PSMD1: variants seen among roughly 807,000 people sequenced by gnomAD.
The protein encoded by PSMD1 is 26S proteasome non-ATPase regulatory subunit 1.
PSMD1 carries 18 observed loss-of-function variants against 119.0 expected under a neutral mutation model. The observed-to-expected ratio is 0.15, with a 90% CI of 0.10 to 0.22. The LOEUF (loss-of-function observed/expected upper bound fraction) is 0.22. Ranked by LOEUF, PSMD1 falls within the 10% of genes least tolerant of loss-of-function variation. The pLI is 1.00. For synonymous variants in PSMD1, 374 were observed against 396.6 expected (o/e 0.94, Z 0.68); for missense variants, 702 against 1,158.5 (o/e 0.61, Z 5.72).
intron 22 of PSMD1, 99 bp downstream of exon 22, chr2:231,165,385 T>G: frequency 7.6e-7 from 1 of 1,317,652 alleles, no homozygotes; most frequent in Non-Finnish European, 9.9e-7. Flanking sequence ...TGCTCTTGGC[T>G]TCCTTCAAAC....
chr2:231,124,208 C>T (rs1344990498), intron 16 of PSMD1: 2 of 174,292 alleles, frequency 1.1e-5, no homozygotes, highest in East Asian at 1.5e-4. Context: ...CATAGCCCTT[C>T]CCTTCTTAGT....
chr2:231,151,417 C>T (rs1281521530), intron 18 of PSMD1, among the ~76,000 whole-genome samples: 2 of 151,692 alleles, frequency 1.3e-5, no homozygotes, highest in Non-Finnish European at 2.9e-5. Context: ...CCAAGAATTA[C>T]AATAATGAAA....
intron 16 of PSMD1, among the ~76,000 whole-genome samples, chr2:231,118,322 GT>G (rs939482441): frequency 2.0e-5 from 3 of 152,240 alleles, no homozygotes; most frequent in African/African-American, 7.2e-5. Flanking sequence ...CAAATCATCA[GT>G]ATGAAATAAG....
chr2:231,087,241 C>A, intron 16 of PSMD1, 60 bp downstream of exon 16: 1 of 1,415,822 alleles, frequency 7.1e-7, no homozygotes, highest in South Asian at 1.2e-5. Context: ...ATGTAGTAGT[C>A]ACTACCGAAA....
chr2:231,170,784 C>A lies in PSMD1; in HGVS notation c.*9+63C>A. 6.8e-7 allele frequency: 1 copy of A among 1,461,870 alleles called. No homozygotes were observed. The highest frequency in any genetic ancestry group is 9.2e-7 in the Non-Finnish European group (1 of 1,088,234). The allele number at this position is 1,461,870 out of a possible 1,614,324, so 90.6% of individuals were successfully genotyped here. On this transcript the variant is annotated intron_variant, in intron 24 of 24. Coordinates refer to ENST00000308696, the MANE Select transcript of PSMD1 (RefSeq NM_002807.4). This position sits in a 1 kb window ranked among gnomAD's most constrained non-coding sequence, Gnocchi z 4.1. ...GTCAATACTTCACAAATGTTTTTTG[C>A]AAGGACATCATCTCACGTTTTTCCT...
chr2:231,059,723 T>G (rs1693708938), intron 1 of PSMD1, among the ~76,000 whole-genome samples: 1 of 152,244 alleles, frequency 6.6e-6, no homozygotes, highest in Admixed American at 6.5e-5. Flanking sequence ...TCCAAATATT[T>G]CTGTCAATTG....
intron 20 of PSMD1, among the ~76,000 whole-genome samples, chr2:231,162,690 G>A (rs1696668803): frequency 6.6e-6 from 1 of 151,988 alleles, no homozygotes; most frequent in African/African-American, 2.4e-5. Flanking sequence ...GGCCGGGTGT[G>A]GTTGTGCACA....
At chr2:231,142,555 C>T (rs1696149821) in intron 17 of PSMD1, among the ~76,000 whole-genome samples, 1 of 152,024 alleles carries the variant, frequency 6.6e-6, no homozygotes, top group Non-Finnish European at 1.5e-5. Flanking sequence ...TTTTATTACT[C>T]ATACTAAACA....
chr2:231,148,719 A>G lies in PSMD1; in HGVS notation c.2115+2363A>G, dbSNP rs1012543822. Among the ~76,000 whole-genome samples the G allele has an allele frequency of 2.6e-5, 4 of 152,228 alleles. No individual in the cohort carries two copies. In the East Asian group the frequency reaches 7.7e-4, roughly 29 times the overall value. On this transcript the variant is annotated intron_variant, in intron 18 of 24. Coordinates refer to ENST00000308696, the MANE Select transcript of PSMD1 (RefSeq NM_002807.4). Reference sequence around the variant, plus strand: ...GAGCAAAGTTGTTACTCAGCTTAAGAATTCTTAAAGTTAATTTCATTGTTT... The same window carrying G: ...GAGCAAAGTTGTTACTCAGCTTAAGGATTCTTAAAGTTAATTTCATTGTTT...
At chr2:231,078,495 G>A (rs574226727) in intron 9 of PSMD1, among the ~76,000 whole-genome samples, 164 bp from the exon 10 acceptor site, 2 of 152,250 alleles carry the variant, frequency 1.3e-5, no homozygotes, top group East Asian at 3.9e-4. Flanking sequence ...GTATAAACTA[G>A]CTATTTAGTC....
intron 21 of PSMD1, among the ~76,000 whole-genome samples, chr2:231,164,468 A>C (rs1359026137): frequency 1.3e-5 from 2 of 151,950 alleles, no homozygotes; most frequent in African/African-American, 4.9e-5. Context: ...ATATATAGGA[A>C]AGTGGCTCTT....
intron 17 of PSMD1, among the ~76,000 whole-genome samples, chr2:231,139,568 AAAAAAAAG>A (rs1192658678): frequency 1.3e-5 from 2 of 148,830 alleles, no homozygotes; most frequent in East Asian, 1.9e-4. Context: ...TAAAAAAAAA[AAAAAAAAG>A]AAGAAGAAGA....
chr2:231,146,653 G>A (rs1574769497), intron 18 of PSMD1, among the ~76,000 whole-genome samples: 1 of 152,206 alleles, frequency 6.6e-6, no homozygotes. Context: ...GCCTTTCACT[G>A]TCCTTTTAAA....
intron 15 of PSMD1, among the ~76,000 whole-genome samples, chr2:231,086,210 A>G (rs1694436347): frequency 6.6e-6 from 1 of 151,844 alleles, no homozygotes; most frequent in African/African-American, 2.4e-5. Flanking sequence ...TGCCTGCCTA[A>G]TTTTTTAACT....
intron 16 of PSMD1, among the ~76,000 whole-genome samples, chr2:231,137,857 A>G (rs1411633402): frequency 2.6e-5 from 4 of 152,326 alleles, no homozygotes; most frequent in Admixed American, 6.5e-5. Context: ...TGTTGCTGCA[A>G]AAAACATGAT....
chr2:231,058,774 C>G (rs957105810), intron 1 of PSMD1, among the ~76,000 whole-genome samples: 1 of 152,034 alleles, frequency 6.6e-6, no homozygotes, highest in African/African-American at 2.4e-5. Context: ...TCTCCTATCT[C>G]GGGGCCCTGG....
intron 16 of PSMD1, among the ~76,000 whole-genome samples, chr2:231,094,036 G>T (rs1212867618): frequency 6.6e-6 from 1 of 152,192 alleles, no homozygotes; most frequent in African/African-American, 2.4e-5. Flanking sequence ...GGCATCAATG[G>T]ATACATGTAC....
chr2:231,162,837 A>AAAAGAAAG (rs759781122), intron 20 of PSMD1, among the ~76,000 whole-genome samples: 1 of 151,224 alleles, frequency 6.6e-6, no homozygotes, highest in African/African-American at 2.4e-5. Flanking sequence ...AAAAAAAAAA[A>AAAAGAAAG]AAAGAAAGAA....
intron 8 of PSMD1, 79 bp from the exon 9 acceptor site, chr2:231,076,955 C>G: frequency 7.6e-7 from 1 of 1,308,976 alleles, no homozygotes; most frequent in Non-Finnish European, 1.0e-6. Flanking sequence ...TGGTTTAGGA[C>G]TGATGAAATA....
Sources: gnomAD v4.1 joint callset for allele counts (sites outside exome capture counted in the v4.1 genomes callset) on GRCh38, gnomAD v4.1.1 for gene constraint, Gnocchi (gnomAD v3.1) non-coding constraint, MANE v1.5 for transcripts, NCBI Gene and HGNC (gene_info 2026-07-23, HGNC 2026-07-21) for gene names.